Variants in TENM1 observed in about 807,000 individuals in gnomAD.
TENM1 encodes the protein teneurin transmembrane protein 1, also known as teneurin-1.
Under a neutral mutation model 174.8 loss-of-function variants are expected in TENM1, and 35 were observed. The observed-to-expected ratio is 0.20, with a 90% CI of 0.15 to 0.27. The LOEUF (loss-of-function observed/expected upper bound fraction) is 0.27, where lower values mean the gene tolerates loss of function less well. Among genes scored for constraint, TENM1 ranks in the 10% least tolerant of loss-of-function variants. The pLI, the probability that TENM1 is intolerant of heterozygous loss-of-function variation, is 1.00. For missense variants in TENM1, 1,633 were observed against 2,130.1 expected, an observed-to-expected ratio of 0.77 and a Z score of 4.59; for synonymous variants, 781 against 798.7, an observed-to-expected ratio of 0.98 and a Z score of 0.37.
intron 11 of TENM1, among the ~76,000 whole-genome samples, chrX:124,570,500 T>C (rs1159009626): frequency 9.0e-6 from 1 of 111,248 alleles, no homozygotes; most frequent in African/African-American, 3.3e-5. Context: ...AGAAATAATA[T>C]CATGACCAAT....
At chrX:125,199,432 G>A in the TENM1 span, among the ~76,000 whole-genome samples, 2 of 112,285 alleles carry the variant, frequency 1.8e-5, no homozygotes, top group African/African-American at 6.5e-5. Flanking sequence ...GTTTTTATGT[G>A]TCCATTTTCC....
Position 124,567,206 on chromosome X carries a change from C to T in TENM1, c.2078-1646G>A, listed in dbSNP as rs1053391830. Among the ~76,000 whole-genome samples the T allele has an allele frequency of 2.7e-5, 3 of 111,440 alleles. No homozygotes were observed. The Admixed American group carries it at 2.9e-4, about 11-fold the overall frequency. On this transcript the variant is annotated intron_variant, in intron 11 of 31. Transcript: ENST00000422452. ...CAACCAGCAGAATATATGATTCTGA[C>T]AGGCCAGGACTGGAGATATAAAATT...
chrX:125,060,992 T>C, the TENM1 span, among the ~76,000 whole-genome samples: 4 of 86,331 alleles, frequency 4.6e-5, no homozygotes, highest in Non-Finnish European at 8.2e-5. Flanking sequence ...TTCTTTTTTC[T>C]TGGAGATTTT....
the TENM1 span, among the ~76,000 whole-genome samples, chrX:125,049,531 T>G: frequency 8.9e-6 from 1 of 112,232 alleles, no homozygotes; most frequent in African/African-American, 3.2e-5. Flanking sequence ...GGACATAGAT[T>G]TTCAATTGGG....
intron 22 of TENM1, among the ~76,000 whole-genome samples, chrX:124,461,985 CAAAT>C (rs764866576): frequency 2.7e-5 from 3 of 111,151 alleles, no homozygotes; most frequent in Admixed American, 9.6e-5. Flanking sequence ...ACATAGCTCC[CAAAT>C]ATATATATCT....
the TENM1 span, among the ~76,000 whole-genome samples, chrX:125,167,577 A>C: frequency 1.8e-5 from 2 of 111,002 alleles, no homozygotes; most frequent in Non-Finnish European, 3.8e-5. Flanking sequence ...TTAATTCATA[A>C]ACATGGCATA....
At chrX:125,032,720 C>T in the TENM1 span, among the ~76,000 whole-genome samples, 1 of 111,326 alleles carries the variant, frequency 9.0e-6, no homozygotes, top group Non-Finnish European at 1.9e-5. Context: ...GGGGCTGCCA[C>T]TCTCCCATTT....
chrX:125,017,789 T>A, the TENM1 span, among the ~76,000 whole-genome samples: 3 of 111,534 alleles, frequency 2.7e-5, no homozygotes, highest in African/African-American at 9.8e-5. Flanking sequence ...AAATACTGCA[T>A]GTTCTTACTC....
chrX:125,177,064 G>A, the TENM1 span, among the ~76,000 whole-genome samples: 51 of 111,298 alleles, frequency 4.6e-4, no homozygotes, highest in African/African-American at 1.5e-3. Context: ...AATTAAGAAA[G>A]GCATTGAAAA....
chrX:124,843,476 CT>C (rs376436023), intron 3 of TENM1, among the ~76,000 whole-genome samples: 21 of 110,705 alleles, frequency 1.9e-4, no homozygotes, highest in African/African-American at 6.3e-4. Flanking sequence ...TTCCCGTTGC[CT>C]CCCCCCCTCC....
At chrX:124,833,980 A>G in intron 3 of TENM1, among the ~76,000 whole-genome samples, 1 of 110,592 alleles carries the variant, frequency 9.0e-6, no homozygotes, top group East Asian at 2.8e-4. Flanking sequence ...AACAGCTCCG[A>G]CCAATCTGAG....
At chrX:125,123,817 A>C in the TENM1 span, among the ~76,000 whole-genome samples, 1 of 112,798 alleles carries the variant, frequency 8.9e-6, no homozygotes, top group African/African-American at 3.2e-5. Flanking sequence ...AACAAAATGC[A>C]TACTTTTACC....
intron 3 of TENM1, among the ~76,000 whole-genome samples, chrX:124,839,248 G>A (rs1466522869): frequency 9.0e-6 from 1 of 111,412 alleles, no homozygotes; most frequent in Non-Finnish European, 1.9e-5. Context: ...TTATAGTTAT[G>A]GGTACTTACA....
chrX:124,977,653 A>C, the TENM1 span, among the ~76,000 whole-genome samples: 3 of 109,785 alleles, frequency 2.7e-5, no homozygotes, highest in Non-Finnish European at 5.7e-5. Flanking sequence ...CCTGGCGACC[A>C]CTAATCTACT....
At chrX:124,776,373 TAAG>T (rs1172704685) in intron 3 of TENM1, among the ~76,000 whole-genome samples, 3 of 111,843 alleles carry the variant, frequency 2.7e-5, no homozygotes, top group African/African-American at 3.2e-5. Context: ...TTTGGGGTGT[TAAG>T]AAGAAGTATA....
the TENM1 span, among the ~76,000 whole-genome samples, chrX:125,157,354 A>G: frequency 8.9e-5 from 10 of 112,061 alleles, no homozygotes; most frequent in Non-Finnish European, 1.9e-4. Context: ...TGATGTGTCA[A>G]TCACCCCAAT....
chrX:124,580,065 A>G (rs1299766235), intron 11 of TENM1, among the ~76,000 whole-genome samples: 1 of 111,521 alleles, frequency 9.0e-6, no homozygotes, highest in African/African-American at 3.3e-5. Flanking sequence ...TGTGTGGGAA[A>G]GCTGCATGCT....
intron 3 of TENM1, among the ~76,000 whole-genome samples, chrX:124,746,563 C>T (rs2053923721): frequency 9.0e-6 from 1 of 111,290 alleles, no homozygotes; most frequent in Admixed American, 9.6e-5. Context: ...GCTTATCTCC[C>T]CGGACTCACT....
intron 6 of TENM1, among the ~76,000 whole-genome samples, chrX:124,655,703 A>C (rs1225141397): frequency 8.9e-6 from 1 of 112,541 alleles, no homozygotes; most frequent in Non-Finnish European, 1.9e-5. Flanking sequence ...TATTTTAAGA[A>C]TGTTCACTGT....
Sources: allele counts gnomAD v4.1 joint callset (sites outside exome capture counted in the v4.1 genomes callset), GRCh38; gene constraint gnomAD v4.1.1; transcripts MANE v1.5; gene names NCBI Gene and HGNC (gene_info 2026-07-23, HGNC 2026-07-21).